The following LAMA2 variants were observed in gnomAD, a reference collection of about 807,000 sequenced individuals.
The protein encoded by LAMA2 is laminin subunit alpha 2, also known as laminin subunit alpha-2.
In LAMA2, 269 loss-of-function variants were observed where a neutral mutation model predicts 364.8. The ratio of observed to expected loss-of-function variants is 0.74; its 90% confidence interval spans 0.67 to 0.82. The LOEUF is 0.82. Among genes scored for constraint, LAMA2 ranks in the 40% least tolerant of loss-of-function variants. The pLI is 0.00. For missense variants in LAMA2, 3,807 were observed against 3,873.2 expected (o/e 0.98, Z 0.45); for synonymous variants, 1,379 against 1,370.6 (o/e 1.01, Z -0.14).
chr6:129,481,189 G>A (rs929503449), intron 54 of LAMA2, 74 bp from the exon 55 acceptor site: 4 of 1,116,808 alleles, frequency 3.6e-6, no homozygotes, highest in East Asian at 2.4e-5. Context: ...GCATCGAGGA[G>A]GGTGAGTGAG....
intron 4 of LAMA2, among the ~76,000 whole-genome samples, chr6:129,137,892 TA>T (rs1308105566): frequency 6.6e-6 from 1 of 151,944 alleles, no homozygotes; most frequent in Non-Finnish European, 1.5e-5. Flanking sequence ...CACAAGCAAG[TA>T]AATTGGCAAT....
intron 1 of LAMA2, among the ~76,000 whole-genome samples, chr6:128,981,040 T>C (rs188992333): frequency 2.0e-5 from 3 of 152,160 alleles, no homozygotes; most frequent in Non-Finnish European, 4.4e-5. Context: ...ATTTTTCTAC[T>C]TGGTGAAGGA....
intron 1 of LAMA2, among the ~76,000 whole-genome samples, chr6:128,914,854 T>C (rs1454784038): frequency 6.6e-6 from 1 of 152,194 alleles, no homozygotes; most frequent in East Asian, 1.9e-4. Flanking sequence ...TATTTTGTAA[T>C]GTTTAAAATG....
chr6:129,266,555 A>C (rs1218882514), intron 15 of LAMA2, among the ~76,000 whole-genome samples: 1 of 152,162 alleles, frequency 6.6e-6, no homozygotes, highest in Non-Finnish European at 1.5e-5. Context: ...ATATATGTGT[A>C]GAAATTAGCT....
At chr6:128,986,733 A>T (rs563202221) in intron 1 of LAMA2, among the ~76,000 whole-genome samples, 6 of 150,300 alleles carry the variant, frequency 4.0e-5, no homozygotes, top group East Asian at 1.9e-4. Flanking sequence ...ACCTTTTTTT[A>T]AAAAAAAATC....
intron 23 of LAMA2, 37 bp from the exon 24 acceptor site, chr6:129,314,618 C>T (rs749804979): frequency 2.0e-5 from 32 of 1,608,112 alleles, no homozygotes; most frequent in Non-Finnish European, 2.5e-5. Flanking sequence ...CCTAACTTTG[C>T]CGTTATAAAC....
intron 40 of LAMA2, among the ~76,000 whole-genome samples, chr6:129,417,776 T>C (rs967999718): frequency 1.3e-5 from 2 of 152,100 alleles, no homozygotes; most frequent in Non-Finnish European, 2.9e-5. Context: ...GGGGCCAAGA[T>C]AGTAGGGGGC....
At chr6:129,377,032 A>G (rs1038603570) in intron 34 of LAMA2, among the ~76,000 whole-genome samples, 2 of 152,168 alleles carry the variant, frequency 1.3e-5, no homozygotes, top group Admixed American at 6.5e-5. Context: ...ACAAACCCAA[A>G]ATAAACATTT....
chr6:128,894,599 C>G lies in LAMA2; in HGVS notation c.112+11242C>G, dbSNP rs193012417. On this transcript the variant is annotated intron_variant, in intron 1 of 64. Coordinates refer to ENST00000421865, the MANE Select transcript of LAMA2 (RefSeq NM_000426.4). ...TAGCTTGCAGCTGAAAACAACTGTACAAATGCTTTTCCTCAAATCAACCAT... is the reference window on the plus strand; with the variant it reads ...TAGCTTGCAGCTGAAAACAACTGTAGAAATGCTTTTCCTCAAATCAACCAT... 5.9e-5 allele frequency among the ~76,000 whole-genome samples: 9 copies of G among 152,264 alleles called. No homozygotes were observed. In the East Asian group the frequency reaches 9.7e-4, roughly 16 times the overall value.
chr6:128,929,344 T>C (rs1779299042), intron 1 of LAMA2: 2 of 1,121,384 alleles, frequency 1.8e-6, no homozygotes, highest in Admixed American at 1.7e-5. Flanking sequence ...GCCCAAAGAC[T>C]GGGGTGAGAC....
intron 28 of LAMA2, among the ~76,000 whole-genome samples, chr6:129,325,764 A>T (rs556314254): frequency 6.6e-6 from 1 of 152,316 alleles, no homozygotes; most frequent in South Asian, 2.1e-4. Flanking sequence ...CATATCTCTC[A>T]GACAAAACTA....
At chr6:129,166,650 A>G (rs146079316) in intron 9 of LAMA2, among the ~76,000 whole-genome samples, 151 of 152,318 alleles carry the variant, frequency 9.9e-4, no homozygotes, top group African/African-American at 3.4e-3. Flanking sequence ...TTTCATTAAT[A>G]TCATTTAACT....
At chr6:128,944,973 A>G (rs1037419636) in intron 1 of LAMA2, among the ~76,000 whole-genome samples, 3 of 152,192 alleles carry the variant, frequency 2.0e-5, no homozygotes, top group Non-Finnish European at 4.4e-5. Flanking sequence ...TTACATTTCA[A>G]TACGAGATTT....
chr6:129,475,341 G>A, intron 52 of LAMA2, 49 bp from the exon 53 acceptor site: 1 of 1,077,826 alleles, frequency 9.3e-7, no homozygotes, highest in Non-Finnish European at 1.4e-6. Context: ...GTAATTATAA[G>A]TAAATTGTTT....
chr6:129,400,911 A>T (rs556350204), intron 37 of LAMA2, among the ~76,000 whole-genome samples: 2 of 152,234 alleles, frequency 1.3e-5, no homozygotes, highest in Admixed American at 6.5e-5. Context: ...TTCAGCACTT[A>T]TATTTTAGTT....
At chr6:129,056,217 G>A (rs969544961) in intron 2 of LAMA2, among the ~76,000 whole-genome samples, 4 of 152,152 alleles carry the variant, frequency 2.6e-5, no homozygotes, top group Admixed American at 2.6e-4. Context: ...CAGAAGAAGT[G>A]CCAACAATAT....
intron 1 of LAMA2, among the ~76,000 whole-genome samples, chr6:128,985,943 A>G (rs1783203684): frequency 2.0e-5 from 3 of 152,154 alleles, no homozygotes; most frequent in South Asian, 2.1e-4. Flanking sequence ...GCTTTTCACC[A>G]TTGACTCTTA....
intron 3 of LAMA2, among the ~76,000 whole-genome samples, chr6:129,092,307 C>T (rs1456892650): frequency 1.3e-5 from 2 of 151,170 alleles, no homozygotes; most frequent in African/African-American, 4.9e-5. Context: ...TGTATCAACT[C>T]AAACAGAGAG....
At position 129,042,198 on chromosome 6, in the gene LAMA2, G is replaced by C. The variant is rs113547476; in HGVS notation, c.113-7720G>C. Among the ~76,000 whole-genome samples, 147 of 151,218 alleles carry C rather than the reference G, an allele frequency of 9.7e-4. 1 individual carries two copies. The highest frequency in any genetic ancestry group is 3.6e-3 in the South Asian group (17 of 4,758). ...CAGGCTCCTGTAATCCCAGCTACTC[G>C]GGAGGCTGAGGCAGGAGAATCACTT... is the stretch of plus-strand genomic sequence containing the variant. On this transcript the variant is annotated intron_variant, in intron 1 of 64. Transcript: ENST00000421865.
Sources: gnomAD v4.1 joint callset for allele counts (sites outside exome capture counted in the v4.1 genomes callset) on GRCh38, gnomAD v4.1.1 for gene constraint, MANE v1.5 for transcripts, NCBI Gene and HGNC (gene_info 2026-07-23, HGNC 2026-07-21) for gene names.